The following MUS81 variants were observed in gnomAD, a reference collection of about 807,000 sequenced individuals.
The protein encoded by MUS81 is structure-specific endonuclease subunit MUS81.
Under a neutral mutation model 74.2 loss-of-function variants are expected in MUS81, and 69 were observed. The observed-to-expected ratio is 0.93, with a 90% CI of 0.77 to 1.14. The LOEUF (loss-of-function observed/expected upper bound fraction) is 1.14, where lower values mean the gene tolerates loss of function less well. Among genes scored for constraint, MUS81 ranks in the 50% most tolerant of loss-of-function variants. The pLI is 0.00. For synonymous variants in MUS81, 303 were observed against 300.6 expected, an observed-to-expected ratio of 1.01 and a Z score of -0.08; for missense variants, 711 against 726.5, an observed-to-expected ratio of 0.98 and a Z score of 0.25.
Position 65,862,078 on chromosome 11 carries a change from A to G in MUS81, c.450+33A>G, listed in dbSNP as rs756140331. 2.8e-5 allele frequency: 45 copies of G among 1,600,114 alleles called. 1 individual carries two copies. In the Middle Eastern group the frequency reaches 3.4e-3, roughly 119 times the overall value. ...CTGGGCTACACCGGGAGGCGGAACC[A>G]TGGCAGTGGGGTGGGAGGTTCCCCG... On this transcript the variant is annotated intron_variant, in intron 4 of 15. Transcript: ENST00000308110.
At chr11:65,864,933 C>T (rs1174128852) in intron 12 of MUS81, 84 bp from the exon 13 acceptor site, 7 of 1,583,372 alleles carry the variant, frequency 4.4e-6, no homozygotes, top group African/African-American at 1.3e-5. Context: ...CTCAGGCTGG[C>T]CCCCCAAGGC....
rs774457125 is a variant in MUS81, at chr11:65,862,291, G to C, written c.519+12G>C. 6.8e-6 allele frequency: 11 copies of C among 1,613,524 alleles called. No homozygotes were observed. Among genetic ancestry groups the C allele is most frequent in the Non-Finnish European group, 9.3e-6 (11 of 1,179,928 alleles). ...AGAAGTCCCCCAGGGTGAGCACAGGGATCAGGGAGGACAGGCCCAAGTGGC... is the reference window on the plus strand; with the variant it reads ...AGAAGTCCCCCAGGGTGAGCACAGGCATCAGGGAGGACAGGCCCAAGTGGC... On this transcript the variant is annotated intron_variant, in intron 5 of 15. Transcript: ENST00000308110.
chr11:65,860,285 G>C (rs1055222811), upstream of MUS81: 1 of 458,108 alleles, frequency 2.2e-6, no homozygotes, highest in Admixed American at 2.3e-5. Flanking sequence ...CTTCAAGCTT[G>C]AGGCTGAAGC....
At chr11:65,866,890 T>G (rs1859857564), downstream of MUS81, 2 of 1,613,702 alleles carry the variant, frequency 1.2e-6, no homozygotes, top group Non-Finnish European at 1.7e-6. Context: ...CTAGGGTAGC[T>G]GCAGGGAGGG....
At chr11:65,864,842 C>A in intron 12 of MUS81, 27 bp downstream of exon 12, 2 of 1,601,928 alleles carry the variant, frequency 1.2e-6, no homozygotes, top group South Asian at 2.2e-5. Context: ...TTCCCAGTGT[C>A]GGGACAGAGC....
downstream of MUS81, chr11:65,867,647 A>T: frequency 1.6e-6 from 1 of 620,998 alleles, no homozygotes. Context: ...CAGTACCAGG[A>T]CTCAAACTCC....
rs776151973 is a variant in MUS81 at position 65,860,759 on chromosome 11, G to A, written c.6G>A (p.Ala2=). ...GAGGACCCGCCCTCGGGCTCATGGC[G>A]GCCCCGGTCCGCCTGGGCCGGAAGC... is the stretch of plus-strand genomic sequence containing the variant. The part of the protein sequence containing the change: M[A]APVRLGRKRP... Residue 2 remains alanine, a synonymous_variant, in exon 1 of 16, where the codon GCG becomes GCA. Coordinates refer to ENST00000308110, the MANE Select transcript of MUS81 (RefSeq NM_025128.5). 1.3e-6 allele frequency: 2 copies of A among 1,533,854 alleles called. No individual in the cohort carries two copies. Among genetic ancestry groups the A allele is most frequent in the Non-Finnish European group, 8.7e-7 (1 of 1,145,522 alleles).
rs371838156 is a variant in MUS81, at chr11:65,862,426, C to T, written c.520-18C>T. ...GTGGTACCAGGTGCTCTCTGAGGGT[C>T]TCTTTTCTGATCCACAGGTAGCCCC... On this transcript the variant is annotated intron_variant, in intron 5 of 15. Coordinates refer to ENST00000308110, the MANE Select transcript of MUS81 (RefSeq NM_025128.5). 50 of 1,610,116 alleles carry T rather than the reference C, an allele frequency of 3.1e-5. No homozygotes were observed. Among genetic ancestry groups the T allele is most frequent in the Non-Finnish European group, 3.7e-5 (43 of 1,176,514 alleles).
intron 3 of MUS81, 129 bp from the exon 4 acceptor site, chr11:65,861,818 T>A: frequency 2.7e-6 from 2 of 733,586 alleles, no homozygotes; most frequent in Non-Finnish European, 4.5e-6. Context: ...TCCCATCACC[T>A]GGCCCATTTT....
rs955828959 is a variant in MUS81 at position 65,863,204 on chromosome 11, C to T, written c.745C>T (p.Leu249Phe). ...TAVPGAASAELASEAGVQQQP... is the reference protein window; with the variant it reads ...TAVPGAASAEFASEAGVQQQP... ...AGTGCCAGGAGCAGCTTCAGCAGAG[C>T]TGTGAGGAGGAGGGCAGAGGAGTGG... The change falls in exon 7 of 16, where the codon CTT (leucine) becomes TTT (phenylalanine). Residue 249 changes from leucine (L) to phenylalanine (F), a missense_variant and splice_region_variant. Physicochemically the swap from Leu to Phe is conservative, Grantham distance 22. Transcript: ENST00000308110. The T allele has an allele frequency of 1.9e-6, 3 of 1,612,164 alleles. No individual in the cohort carries two copies. Among genetic ancestry groups the T allele is most frequent in the Non-Finnish European group, 2.5e-6 (3 of 1,179,148 alleles).
At chr11:65,862,959 C>T in intron 6 of MUS81, 106 bp from the exon 7 acceptor site, 1 of 1,465,238 alleles carries the variant, frequency 6.8e-7, no homozygotes, top group Non-Finnish European at 9.5e-7. Context: ...GTCATTTGTG[C>T]AGGGCGCCAA....
downstream of MUS81, chr11:65,867,650 C>CA: frequency 4.8e-6 from 3 of 627,586 alleles, no homozygotes; most frequent in South Asian, 1.8e-5. Context: ...TACCAGGACT[C>CA]AAACTCCCGT....
Position 65,866,186 on chromosome 11 carries a change from G to A in MUS81, c.*134G>A. 1.2e-6 allele frequency: 1 copy of A among 843,848 alleles called. No individual in the cohort carries two copies. The highest frequency in any genetic ancestry group is 1.8e-6 in the Non-Finnish European group (1 of 551,162). The allele number at this position is 843,848 out of a possible 1,614,324, so 52.3% of individuals were successfully genotyped here. On this transcript the variant is annotated 3_prime_UTR_variant, in exon 16 of 16. Transcript: ENST00000308110. ...ATATGTGTCATGTAGAAGATGCCTA[G>A]CCCTGGGGACCTTGTGAAATACGCA...
At chr11:65,863,932 G>A in intron 10 of MUS81, 31 bp downstream of exon 10, 1 of 1,608,110 alleles carries the variant, frequency 6.2e-7, no homozygotes, top group Non-Finnish European at 8.5e-7. Flanking sequence ...AGGCTTCCCT[G>A]CCTGCTCCGA....
intron 3 of MUS81, 62 bp downstream of exon 3, chr11:65,861,497 T>G (rs1392693502): frequency 7.0e-7 from 1 of 1,438,170 alleles, no homozygotes; most frequent in Non-Finnish European, 9.4e-7. Flanking sequence ...ATTTTCTGGC[T>G]TGGGGGATTT....
intron 6 of MUS81, 101 bp downstream of exon 6, chr11:65,862,630 G>GA (rs1040978370): frequency 1.8e-6 from 2 of 1,132,758 alleles, no homozygotes; most frequent in Admixed American, 1.9e-5. Context: ...TTGAGATTGG[G>GA]GGGGGTGGGC....
intron 11 of MUS81, 33 bp downstream of exon 11, chr11:65,864,646 C>T: frequency 1.2e-6 from 2 of 1,611,046 alleles, no homozygotes; most frequent in East Asian, 2.2e-5. Context: ...GGCAGGCAGG[C>T]AGGGGCCCCT....
At position 65,864,586 on chromosome 11, in the gene MUS81, A is replaced by G. The variant is rs771386738; in HGVS notation, c.1149A>G (p.Thr383=). The change falls in exon 11 of 16, where the codon ACA becomes ACG. Residue 383 remains threonine, a synonymous_variant. Coordinates refer to ENST00000308110, the MANE Select transcript of MUS81 (RefSeq NM_025128.5). ...ACAACCTCAGCCTTCCTGAGAGCAC[A>G]CTGCTGCAGGCTGTCACCAACACTC... ...SVHNLSLPES[T]LLQAVTNTQV... The G allele has an allele frequency of 1.2e-6, 2 of 1,613,968 alleles. No homozygotes were observed. The highest frequency in any genetic ancestry group is 1.3e-5 in the African/African-American group (1 of 74,904).
At chr11:65,861,888 GGACTTAT>G (rs1859619931) in intron 3 of MUS81, 52 bp from the exon 4 acceptor site, 2 of 1,373,804 alleles carry the variant, frequency 1.5e-6, no homozygotes, top group African/African-American at 2.9e-5. Flanking sequence ...AGCCTGCTGG[GGACTTAT>G]TCAAAGATGA....
Sources: allele counts gnomAD v4.1 joint callset, GRCh38; gene constraint gnomAD v4.1.1; transcripts MANE v1.5; gene names NCBI Gene and HGNC (gene_info 2026-07-23, HGNC 2026-07-21).